The following KCNK13 variants were observed in gnomAD, a reference collection of about 807,000 sequenced individuals.
KCNK13 encodes the protein potassium two pore domain channel subfamily K member 13, also known as potassium channel subfamily K member 13.
A neutral mutation model predicts 23.4 loss-of-function variants in KCNK13; 12 were observed. The ratio of observed to expected loss-of-function variants is 0.51; its 90% CI spans 0.33 to 0.83. The LOEUF is 0.83. KCNK13 is among the 40% of genes least tolerant of loss of function. KCNK13 has a pLI of 0.02. For missense variants in KCNK13, 463 were observed against 556.3 expected (o/e 0.83, Z 1.69); for synonymous variants, 231 against 229.5 (o/e 1.01, Z -0.06).
At chr14:90,144,495 C>CTCT (rs1555352214) in intron 1 of KCNK13, among the ~76,000 whole-genome samples, 22 of 119,240 alleles carry the variant, frequency 1.8e-4, no homozygotes, top group African/African-American at 5.6e-4. Context: ...TTTACTTTCT[C>CTCT]TTTTTTTTTT....
At chr14:90,116,080 A>G (rs1889673798) in intron 1 of KCNK13, among the ~76,000 whole-genome samples, 1 of 152,230 alleles carries the variant, frequency 6.6e-6, no homozygotes, top group Admixed American at 6.5e-5. Flanking sequence ...AATTTTATTG[A>G]GATATGACCC....
intron 1 of KCNK13, among the ~76,000 whole-genome samples, chr14:90,082,229 T>TTTC (rs1318021488): frequency 9.0e-6 from 1 of 110,706 alleles, no homozygotes; most frequent in African/African-American, 3.1e-5. Context: ...ACCCAGCTAA[T>TTTC]TTTTTTTTTT....
chr14:90,099,097 A>T (rs1180273922), intron 1 of KCNK13, among the ~76,000 whole-genome samples: 4 of 111,296 alleles, frequency 3.6e-5, no homozygotes, highest in African/African-American at 1.4e-4. Context: ...TTTAAAAATT[A>T]AAAAAAAAAA....
intron 1 of KCNK13, among the ~76,000 whole-genome samples, chr14:90,128,922 A>G (rs1889835165): frequency 6.6e-6 from 1 of 152,192 alleles, no homozygotes; most frequent in Non-Finnish European, 1.5e-5. Flanking sequence ...GGACGGAGGC[A>G]TTATCAGTAC....
intron 1 of KCNK13, among the ~76,000 whole-genome samples, chr14:90,092,385 T>C (rs1315795991): frequency 6.6e-6 from 1 of 152,164 alleles, no homozygotes; most frequent in Non-Finnish European, 1.5e-5. Context: ...TGATATTCCA[T>C]GAAAAGAGGA....
At chr14:90,106,843 G>A (rs1428478069) in intron 1 of KCNK13, among the ~76,000 whole-genome samples, 2 of 151,782 alleles carry the variant, frequency 1.3e-5, no homozygotes, top group Admixed American at 6.6e-5. Context: ...CCAACATGGC[G>A]AAACCCCGTC....
chr14:90,135,076 G>T (rs559226304), intron 1 of KCNK13, among the ~76,000 whole-genome samples: 122 of 152,278 alleles, frequency 8.0e-4, no homozygotes, highest in African/African-American at 2.7e-3. Flanking sequence ...TTGTTAAATC[G>T]CAGAGAACTG....
chr14:90,114,481 C>T (rs999008073), intron 1 of KCNK13, among the ~76,000 whole-genome samples: 1 of 152,168 alleles, frequency 6.6e-6, no homozygotes, highest in Non-Finnish European at 1.5e-5. Context: ...TTCTAAGGGG[C>T]AGCCAAGTTT....
At position 90,062,596 on chromosome 14, in the gene KCNK13, G is replaced by T; in HGVS notation, c.334+57G>T. The T allele has an allele frequency of 7.6e-7, 1 of 1,309,436 alleles. No homozygotes were observed. Among genetic ancestry groups the T allele is most frequent in the Non-Finnish European group, 1.0e-6 (1 of 982,226 alleles). 81.1% of individuals were successfully genotyped at this position (1,309,436 alleles called of 1,614,324 possible). A position where few individuals can be genotyped will look rare whatever the true frequency, so the allele number is the denominator to read the frequency against. On this transcript the variant is annotated intron_variant, in intron 1 of 1. Coordinates refer to ENST00000282146, the MANE Select transcript of KCNK13 (RefSeq NM_022054.4). The surrounding 1 kb of genome is among the most constrained non-coding windows in gnomAD (Gnocchi z 4.5). ...TCCGGGCGGCCTCCACTTCCTCCGG[G>T]GGGCAGGACCGACCCTCTCATCCTT... is the stretch of plus-strand genomic sequence containing the variant.
At chr14:90,096,874 A>G (rs1889416704) in intron 1 of KCNK13, among the ~76,000 whole-genome samples, 1 of 152,162 alleles carries the variant, frequency 6.6e-6, no homozygotes, top group Admixed American at 6.5e-5. Flanking sequence ...TTGTCCCCTC[A>G]GTTGAAACAA....
At chr14:90,087,123 T>C (rs1366915246) in intron 1 of KCNK13, among the ~76,000 whole-genome samples, 4 of 102,960 alleles carry the variant, frequency 3.9e-5, no homozygotes, top group Non-Finnish European at 7.5e-5. Context: ...TATACATATA[T>C]ATATACATAT....
chr14:90,135,575 C>T (rs762685750), intron 1 of KCNK13, among the ~76,000 whole-genome samples: 1 of 152,090 alleles, frequency 6.6e-6, no homozygotes, highest in Non-Finnish European at 1.5e-5. Flanking sequence ...TTCACAGGCC[C>T]GTGGACAGAC....
chr14:90,074,311 A>G (rs913073990), intron 1 of KCNK13, among the ~76,000 whole-genome samples: 1 of 152,242 alleles, frequency 6.6e-6, no homozygotes, highest in African/African-American at 2.4e-5. Context: ...AGAACTTGAT[A>G]TATTTATATG....
intron 1 of KCNK13, among the ~76,000 whole-genome samples, chr14:90,071,571 T>C (rs6575103): frequency 0.43 from 65,981 of 151,892 alleles, 15,321 homozygotes; most frequent in African/African-American, 0.58. Context: ...CTCAGCATAT[T>C]TCCTGGATTC....
At chr14:90,139,288 G>A (rs1210570571) in intron 1 of KCNK13, among the ~76,000 whole-genome samples, 1 of 152,228 alleles carries the variant, frequency 6.6e-6, no homozygotes, top group Non-Finnish European at 1.5e-5. Flanking sequence ...CAAGGGTCTG[G>A]GGAAGTGATA....
At chr14:90,112,592 G>A (rs1187684823) in intron 1 of KCNK13, among the ~76,000 whole-genome samples, 4 of 152,136 alleles carry the variant, frequency 2.6e-5, no homozygotes, top group Non-Finnish European at 5.9e-5. Flanking sequence ...ACTACAGAAA[G>A]TAAACATGGT....
At chr14:90,072,456 C>A (rs904429094) in intron 1 of KCNK13, among the ~76,000 whole-genome samples, 1 of 152,132 alleles carries the variant, frequency 6.6e-6, no homozygotes, top group Non-Finnish European at 1.5e-5. Flanking sequence ...CAGCATTGTG[C>A]TGGCCAGACG....
chr14:90,144,491 T>TTCTC (rs200915769), intron 1 of KCNK13, among the ~76,000 whole-genome samples: 5 of 76,178 alleles, frequency 6.6e-5, no homozygotes, highest in African/African-American at 3.0e-4. Context: ...CTGTTTTACT[T>TTCTC]TCTCTTTTTT....
chr14:90,087,612 T>C (rs960248424), intron 1 of KCNK13, among the ~76,000 whole-genome samples: 17 of 152,184 alleles, frequency 1.1e-4, no homozygotes, highest in Middle Eastern at 3.2e-3. Context: ...TGCAACACTC[T>C]CGTTGCTCAA....
Sources: gnomAD v4.1 joint callset for allele counts (sites outside exome capture counted in the v4.1 genomes callset) on GRCh38, gnomAD v4.1.1 for gene constraint, Gnocchi (gnomAD v3.1) non-coding constraint, MANE v1.5 for transcripts, NCBI Gene and HGNC (gene_info 2026-07-23, HGNC 2026-07-21) for gene names.